RBMS3: variants seen among roughly 807,000 people sequenced by gnomAD.
RBMS3 encodes RNA-binding motif, single-stranded-interacting protein 3.
RBMS3 carries 27 observed loss-of-function variants against 66.8 expected under a neutral mutation model. That is an observed-to-expected ratio of 0.40 (90% confidence interval 0.30 to 0.56). The LOEUF (loss-of-function observed/expected upper bound fraction) is 0.56, where lower values mean the gene tolerates loss of function less well. RBMS3 is among the 20% of genes least tolerant of loss of function. The pLI is 0.40. For synonymous variants in RBMS3, 188 were observed against 183.0 expected (o/e 1.03, Z -0.22); for missense variants, 513 against 549.5 (o/e 0.93, Z 0.66).
rs548475422 is a variant in RBMS3 at position 29,824,894 on chromosome 3, A to C, written c.638-43964A>C. Among the ~76,000 whole-genome samples, 258 of 151,986 alleles carry C rather than the reference A, an allele frequency of 1.7e-3. 1 individual carries two copies. The highest frequency in any genetic ancestry group is 3.3e-3 in the Admixed American group (50 of 15,282). ...TCAAATAATGTATGATTATTTTTAT[A>C]CAGAGCATTTTTTTATCATCACTTG... On this transcript the variant is annotated intron_variant, in intron 6 of 14. Transcript: ENST00000383767.
chr3:29,408,756 G>A (rs545332334), intron 1 of RBMS3, among the ~76,000 whole-genome samples: 14 of 152,126 alleles, frequency 9.2e-5, no homozygotes, highest in African/African-American at 1.9e-4. Context: ...AATATTTTTC[G>A]TCAGAATATG....
At chr3:29,882,874 C>CT (rs1286243353) in intron 7 of RBMS3, among the ~76,000 whole-genome samples, 1 of 152,006 alleles carries the variant, frequency 6.6e-6, no homozygotes, top group Admixed American at 6.6e-5. Flanking sequence ...AGCTCATCCA[C>CT]TTTTTTTCTA....
Position 29,566,279 on chromosome 3 carries a change from G to A in RBMS3, c.308-20835G>A, listed in dbSNP as rs373216787. Among the ~76,000 whole-genome samples the A allele has an allele frequency of 1.8e-4, 28 of 152,258 alleles. No individual in the cohort carries two copies. The East Asian group carries it at 5.0e-3, about 27-fold the overall frequency. Reference sequence around the variant, plus strand: ...AGGACATTAACAGCATGCTGTGATAGACACTAATGGAGGAGAAGAATTCAG... The same window carrying A: ...AGGACATTAACAGCATGCTGTGATAAACACTAATGGAGGAGAAGAATTCAG... On this transcript the variant is annotated intron_variant, in intron 3 of 14. Coordinates refer to ENST00000383767, the MANE Select transcript of RBMS3 (RefSeq NM_001003793.3).
At chr3:29,837,894 G>T (rs2058565822) in intron 6 of RBMS3, among the ~76,000 whole-genome samples, 1 of 151,030 alleles carries the variant, frequency 6.6e-6, no homozygotes, top group Non-Finnish European at 1.5e-5. Context: ...CCCTGGTACT[G>T]CATTCCACAT....
At position 30,005,503 on chromosome 3, in the gene RBMS3, C is replaced by CA; in HGVS notation, c.*1647dup. ...GGACCTGGTCTGAAAGGTCATTTGT[C>CA]AAAAAAGCTTAGGGATATTCTGTGA... On this transcript the variant is annotated 3_prime_UTR_variant, in exon 15 of 15. Transcript: ENST00000383767. The CA allele has an allele frequency of 6.6e-6, 1 of 151,702 alleles. No individual in the cohort carries two copies. 9.4% of individuals were successfully genotyped at this position (151,702 alleles called of 1,614,324 possible).
intron 2 of RBMS3, among the ~76,000 whole-genome samples, chr3:29,468,285 C>T (rs2042606952): frequency 1.3e-5 from 2 of 152,148 alleles, no homozygotes; most frequent in Non-Finnish European, 2.9e-5. Context: ...TCTCTATGTC[C>T]TCTGGCTTCT....
intron 2 of RBMS3, among the ~76,000 whole-genome samples, chr3:29,456,371 A>G (rs1016795491): frequency 6.6e-6 from 1 of 152,212 alleles, no homozygotes; most frequent in Non-Finnish European, 1.5e-5. Context: ...AAAATAAAGT[A>G]TAGAATGCAT....
rs1399448060 is a variant in RBMS3, at chr3:30,010,071, C to T, written c.*6209C>T. On this transcript the variant is annotated 3_prime_UTR_variant, in exon 15 of 15. Coordinates refer to ENST00000383767, the MANE Select transcript of RBMS3 (RefSeq NM_001003793.3). Reference sequence around the variant, plus strand: ...GTATCTGCTATGAGATATTCAGTCTCTATAAAAAAAAAAAGGGACACAGCT... The same window carrying T: ...GTATCTGCTATGAGATATTCAGTCTTTATAAAAAAAAAAAGGGACACAGCT... 1 of 139,298 alleles carries T rather than the reference C, an allele frequency of 7.2e-6. No homozygotes were observed. Among genetic ancestry groups the T allele is most frequent in the Non-Finnish European group, 1.5e-5 (1 of 67,210 alleles). 8.6% of individuals were successfully genotyped at this position (139,298 alleles called of 1,614,324 possible). A position where few individuals can be genotyped will look rare whatever the true frequency, so the allele number is the denominator to read the frequency against.
rs544406439 is a variant in RBMS3 at position 29,542,852 on chromosome 3, A to C, written c.308-44262A>C. ...GACTAGCCTCTTGCTTTTTGTAAAA[A>C]GATCAGAGAATCTCTTAAGTAACCT... On this transcript the variant is annotated intron_variant, in intron 3 of 14. Coordinates refer to ENST00000383767, the MANE Select transcript of RBMS3 (RefSeq NM_001003793.3). Among the ~76,000 whole-genome samples, 12 of 152,370 alleles carry C rather than the reference A, an allele frequency of 7.9e-5. No homozygotes were observed. In the South Asian group the frequency reaches 2.5e-3, roughly 32 times the overall value.
At chr3:29,526,015 C>T (rs2045080483) in intron 3 of RBMS3, among the ~76,000 whole-genome samples, 1 of 152,080 alleles carries the variant, frequency 6.6e-6, no homozygotes, top group Non-Finnish European at 1.5e-5. Flanking sequence ...TTCTTTTGTT[C>T]TACTACCTAC....
intron 6 of RBMS3, among the ~76,000 whole-genome samples, chr3:29,853,275 TAAC>T (rs948215602): frequency 9.2e-5 from 14 of 152,278 alleles, no homozygotes; most frequent in Middle Eastern, 3.4e-3. Context: ...TTTACCTATG[TAAC>T]AAAGCTGCAC....
intron 3 of RBMS3, among the ~76,000 whole-genome samples, chr3:29,522,604 G>A (rs1460330193): frequency 6.6e-6 from 1 of 152,160 alleles, no homozygotes; most frequent in Non-Finnish European, 1.5e-5. Flanking sequence ...AAGTCAGAAG[G>A]TGGAGCCATC....
chr3:29,960,816 AAC>A (rs1696382774), intron 12 of RBMS3, among the ~76,000 whole-genome samples: 1 of 152,104 alleles, frequency 6.6e-6, no homozygotes, highest in Non-Finnish European at 1.5e-5. Flanking sequence ...TGGAGCAGCT[AAC>A]ACAGAAGTCA....
chr3:29,751,402 C>T (rs2055175948), intron 5 of RBMS3, among the ~76,000 whole-genome samples: 1 of 152,110 alleles, frequency 6.6e-6, no homozygotes, highest in Non-Finnish European at 1.5e-5. Context: ...TTTGAGAAAA[C>T]CCTGTGGCAA....
chr3:29,849,534 A>T (rs1240271733), intron 6 of RBMS3, among the ~76,000 whole-genome samples: 2 of 151,802 alleles, frequency 1.3e-5, no homozygotes, highest in Non-Finnish European at 2.9e-5. Flanking sequence ...AGAAAAAAAA[A>T]AAAAAAGCAG....
chr3:29,453,994 A>G (rs567592487), intron 2 of RBMS3, among the ~76,000 whole-genome samples: 4 of 152,334 alleles, frequency 2.6e-5, no homozygotes, highest in African/African-American at 9.6e-5. Flanking sequence ...GACTGTAATG[A>G]TAGTAGCAAT....
chr3:29,369,153 G>A (rs907418189), intron 1 of RBMS3, among the ~76,000 whole-genome samples: 1 of 151,990 alleles, frequency 6.6e-6, no homozygotes, highest in African/African-American at 2.4e-5. Flanking sequence ...CGGCACCGGG[G>A]CCTACTTGAG....
intron 2 of RBMS3, among the ~76,000 whole-genome samples, chr3:29,466,521 CT>C (rs1482035275): frequency 6.6e-6 from 1 of 151,992 alleles, no homozygotes; most frequent in African/African-American, 2.4e-5. Context: ...AATAAAATTG[CT>C]CTTAATGAGA....
At chr3:29,961,575 C>T (rs2149737072) in intron 12 of RBMS3, among the ~76,000 whole-genome samples, 1 of 152,198 alleles carries the variant, frequency 6.6e-6, no homozygotes, top group South Asian at 2.1e-4. Context: ...GTTTAATTCA[C>T]TCACAGTTCT....
Sources: gnomAD v4.1 joint callset for allele counts (sites outside exome capture counted in the v4.1 genomes callset) on GRCh38, gnomAD v4.1.1 for gene constraint, MANE v1.5 for transcripts, NCBI Gene and HGNC (gene_info 2026-07-23, HGNC 2026-07-21) for gene names.